The following DOCK2 variants were observed in gnomAD, a reference collection of about 807,000 sequenced individuals.
DOCK2 encodes dedicator of cytokinesis 2.
A neutral mutation model predicts 248.9 loss-of-function variants in DOCK2; 87 were observed. The ratio of observed to expected loss-of-function variants is 0.35; its 90% CI spans 0.29 to 0.42. The LOEUF is 0.42. Among genes scored for constraint, DOCK2 ranks in the 10% least tolerant of loss-of-function variants. The probability of loss-of-function intolerance (pLI) is 1.00; values close to 1 mark genes in which losing one functional copy is unlikely to be tolerated. For synonymous variants in DOCK2, 805 were observed against 821.6 expected, an observed-to-expected ratio of 0.98 and a Z score of 0.35; for missense variants, 1,747 against 2,300.2, an observed-to-expected ratio of 0.76 and a Z score of 4.92.
At chr5:170,015,096 T>A (rs1755468577) in intron 32 of DOCK2, among the ~76,000 whole-genome samples, 1 of 152,110 alleles carries the variant, frequency 6.6e-6, no homozygotes, top group Non-Finnish European at 1.5e-5. Flanking sequence ...TCCATGGGGT[T>A]AGGCCTTGTC....
intron 15 of DOCK2, among the ~76,000 whole-genome samples, 194 bp downstream of exon 15, chr5:169,708,461 AG>A (rs1360542787): frequency 6.6e-6 from 1 of 152,166 alleles, no homozygotes. Context: ...CCACGCTGCT[AG>A]GAAATATCAG....
chr5:169,774,283 A>C (rs1306631809), intron 25 of DOCK2, among the ~76,000 whole-genome samples: 4 of 152,230 alleles, frequency 2.6e-5, no homozygotes. Context: ...TACAGTAATA[A>C]GTAATGTATG....
At chr5:169,916,647 G>T (rs1774889059) in intron 27 of DOCK2, among the ~76,000 whole-genome samples, 1 of 150,976 alleles carries the variant, frequency 6.6e-6, no homozygotes, top group Admixed American at 6.6e-5. Flanking sequence ...GCACATAGTA[G>T]GTATTAGGTT....
chr5:169,785,893 C>T (rs1680569), intron 25 of DOCK2, among the ~76,000 whole-genome samples: 23,580 of 151,984 alleles, frequency 0.16, 1,900 homozygotes, highest in Non-Finnish European at 0.18. Flanking sequence ...AAAAAGAAGG[C>T]GGAGTCAACT....
At chr5:169,670,733 T>C (rs1440108946) in intron 4 of DOCK2, 136 bp downstream of exon 4, 9 of 1,051,104 alleles carry the variant, frequency 8.6e-6, no homozygotes, top group Non-Finnish European at 1.3e-5. Flanking sequence ...TATTTGTGGG[T>C]CTCCTTTCCG....
intron 25 of DOCK2, among the ~76,000 whole-genome samples, chr5:169,798,288 T>A (rs1011778773): frequency 6.6e-5 from 10 of 151,500 alleles, no homozygotes; most frequent in African/African-American, 2.4e-4. Flanking sequence ...CATCCCTTCA[T>A]CTGATACTTT....
intron 26 of DOCK2, among the ~76,000 whole-genome samples, chr5:169,832,062 G>A (rs1407978040): frequency 6.6e-6 from 1 of 152,220 alleles, no homozygotes; most frequent in Non-Finnish European, 1.5e-5. Flanking sequence ...GCAGAAATGA[G>A]CTTAGGTTCA....
chr5:169,816,454 A>G (rs1340827666), intron 26 of DOCK2, among the ~76,000 whole-genome samples: 1 of 152,252 alleles, frequency 6.6e-6, no homozygotes, highest in East Asian at 1.9e-4. Context: ...GCAACCTAGC[A>G]TGCTAAAGTC....
At chr5:169,895,727 G>C (rs1490147253) in intron 27 of DOCK2, among the ~76,000 whole-genome samples, 1 of 151,934 alleles carries the variant, frequency 6.6e-6, no homozygotes, top group Non-Finnish European at 1.5e-5. Context: ...CTCTTACAAA[G>C]AGTTATTCAT....
intron 26 of DOCK2, among the ~76,000 whole-genome samples, chr5:169,835,359 A>G (rs1769503195): frequency 1.4e-5 from 2 of 146,858 alleles, no homozygotes; most frequent in South Asian, 2.1e-4. Context: ...GGATCTACCT[A>G]TTCTCCTGCC....
chr5:169,794,918 G>C (rs1473724631), intron 25 of DOCK2, among the ~76,000 whole-genome samples: 2 of 152,180 alleles, frequency 1.3e-5, no homozygotes, highest in Non-Finnish European at 2.9e-5. Context: ...GCGAGACTCT[G>C]TCTCAAACAA....
intron 27 of DOCK2, among the ~76,000 whole-genome samples, chr5:169,941,855 A>C (rs1429596243): frequency 6.6e-6 from 1 of 152,154 alleles, no homozygotes; most frequent in Non-Finnish European, 1.5e-5. Context: ...GGGGCTGCCA[A>C]TTTTGGTTTG....
chr5:169,989,155 G>T (rs1465361058), intron 29 of DOCK2, among the ~76,000 whole-genome samples: 1 of 152,154 alleles, frequency 6.6e-6, no homozygotes, highest in Non-Finnish European at 1.5e-5. Context: ...GAGTTTTCTA[G>T]ATTTTAATGT....
intron 38 of DOCK2, among the ~76,000 whole-genome samples, chr5:170,045,160 C>T (rs192163858): frequency 6.6e-6 from 1 of 152,092 alleles, no homozygotes; most frequent in African/African-American, 2.4e-5. Context: ...TCTACTTCCA[C>T]ACATCAAATA....
intron 25 of DOCK2, among the ~76,000 whole-genome samples, chr5:169,790,021 T>C (rs186820865): frequency 2.6e-5 from 4 of 152,314 alleles, no homozygotes; most frequent in African/African-American, 7.2e-5. Flanking sequence ...TGAGAGGAGC[T>C]TCAGCCTCCT....
At chr5:170,018,065 G>A (rs1004559454) in intron 32 of DOCK2, among the ~76,000 whole-genome samples, 1 of 152,184 alleles carries the variant, frequency 6.6e-6, no homozygotes. Flanking sequence ...GGTCTCTAGT[G>A]GGGGAGGCAG....
intron 26 of DOCK2, among the ~76,000 whole-genome samples, chr5:169,817,609 T>C (rs1768148191): frequency 6.6e-6 from 1 of 152,266 alleles, no homozygotes; most frequent in Non-Finnish European, 1.5e-5. Flanking sequence ...TATTTGTCTT[T>C]TGAAGCCTGG....
intron 11 of DOCK2, 67 bp from the exon 12 acceptor site, chr5:169,699,315 T>C: frequency 3.9e-6 from 6 of 1,534,612 alleles, no homozygotes; most frequent in Non-Finnish European, 5.4e-6. Flanking sequence ...CTGGGGAGAT[T>C]CATGGGACCC....
chr5:169,970,876 C>T (rs1405360417), intron 27 of DOCK2, among the ~76,000 whole-genome samples: 1 of 152,084 alleles, frequency 6.6e-6, no homozygotes, highest in Non-Finnish European at 1.5e-5. Flanking sequence ...GTTGATTTTT[C>T]TTTAATTGAG....
Sources: allele counts gnomAD v4.1 joint callset (sites outside exome capture counted in the v4.1 genomes callset), GRCh38; gene constraint gnomAD v4.1.1; transcripts MANE v1.5; gene names NCBI Gene and HGNC (gene_info 2026-07-23, HGNC 2026-07-21).